NR3C1: variants seen among roughly 807,000 people sequenced by gnomAD.
NR3C1 encodes the protein glucocorticoid receptor.
A neutral mutation model predicts 74.0 loss-of-function variants in NR3C1; 14 were observed. That is an observed-to-expected ratio of 0.19 (90% confidence interval 0.12 to 0.30). NR3C1 has a LOEUF of 0.30. Ranked by LOEUF, NR3C1 falls within the 10% of genes least tolerant of loss-of-function variation. The pLI, the probability that NR3C1 is intolerant of heterozygous loss-of-function variation, is 1.00. For missense variants in NR3C1, 695 were observed against 909.8 expected (o/e 0.76, Z 3.04); for synonymous variants, 308 against 332.5 (o/e 0.93, Z 0.80).
At chr5:143,337,924 A>T (rs1827462311) in intron 2 of NR3C1, among the ~76,000 whole-genome samples, 1 of 152,224 alleles carries the variant, frequency 6.6e-6, no homozygotes, top group Admixed American at 6.5e-5. Context: ...TTGTAAACTT[A>T]TATGGTCATA....
chr5:143,344,921 GCC>G (rs1489924159), intron 2 of NR3C1, among the ~76,000 whole-genome samples: 1 of 152,040 alleles, frequency 6.6e-6, no homozygotes, highest in Non-Finnish European at 1.5e-5. Flanking sequence ...ACTGATGCCT[GCC>G]CAGCTCTGTC....
intron 2 of NR3C1, among the ~76,000 whole-genome samples, chr5:143,332,140 C>A (rs2151703736): frequency 6.6e-6 from 1 of 152,258 alleles, no homozygotes; most frequent in African/African-American, 2.4e-5. Flanking sequence ...CAACCTTAGA[C>A]TAAATGTGTC....
At chr5:143,291,473 C>T (rs1815932709) in intron 7 of NR3C1, among the ~76,000 whole-genome samples, 1 of 152,088 alleles carries the variant, frequency 6.6e-6, no homozygotes, top group Non-Finnish European at 1.5e-5. Context: ...ATCTGCCTGC[C>T]TCAGCCTCCC....
chr5:143,404,617 A>C, upstream of NR3C1: 1 of 612,348 alleles, frequency 1.6e-6, no homozygotes, highest in Non-Finnish European at 2.0e-6. Context: ...CAATGTGCTC[A>C]CACTCGAAGG....
chr5:143,311,994 A>G (rs1238548729), intron 3 of NR3C1, among the ~76,000 whole-genome samples: 1 of 151,904 alleles, frequency 6.6e-6, no homozygotes, highest in South Asian at 2.1e-4. Flanking sequence ...AGACAATGAG[A>G]TATCTTATTT....
intron 7 of NR3C1, chr5:143,293,742 A>G (rs1322513037): frequency 2.5e-6 from 1 of 397,844 alleles, no homozygotes; most frequent in Non-Finnish European, 3.4e-6. Flanking sequence ...TCTATATCTT[A>G]AGGTATATAT....
chr5:143,356,992 G>A (rs1355226864), intron 2 of NR3C1, among the ~76,000 whole-genome samples: 4 of 152,144 alleles, frequency 2.6e-5, no homozygotes, highest in African/African-American at 9.7e-5. Flanking sequence ...TTAGTACCTG[G>A]AAAGGTGCTG....
At chr5:143,295,390 A>T in intron 7 of NR3C1, 70 bp downstream of exon 7, 1 of 1,590,676 alleles carries the variant, frequency 6.3e-7, no homozygotes, top group South Asian at 1.1e-5. Context: ...CTATGTATAT[A>T]AATTAACCTT....
At chr5:143,282,438 T>G in intron 8 of NR3C1, 130 bp downstream of exon 8, 1 of 983,346 alleles carries the variant, frequency 1.0e-6, no homozygotes, top group Non-Finnish European at 1.5e-6. Context: ...TAAGTTGAAC[T>G]CAAGCTATCA....
intron 2 of NR3C1, among the ~76,000 whole-genome samples, chr5:143,370,886 C>G (rs1326516076): frequency 6.6e-6 from 1 of 152,182 alleles, no homozygotes; most frequent in East Asian, 1.9e-4. Flanking sequence ...AGCTTCGCAT[C>G]TGAGAGTGAT....
At chr5:143,347,872 T>C (rs1829578469) in intron 2 of NR3C1, among the ~76,000 whole-genome samples, 1 of 152,248 alleles carries the variant, frequency 6.6e-6, no homozygotes, top group African/African-American at 2.4e-5. Context: ...AATATAGCTC[T>C]CCACATTCTG....
chr5:143,282,775 T>C (rs1813407260), intron 7 of NR3C1, 50 bp from the exon 8 acceptor site: 2 of 1,562,256 alleles, frequency 1.3e-6, no homozygotes, highest in African/African-American at 2.8e-5. Flanking sequence ...TTCTTTTCTT[T>C]TCTTTTTTTT....
intron 2 of NR3C1, among the ~76,000 whole-genome samples, chr5:143,351,185 C>T (rs1303022857): frequency 6.6e-6 from 1 of 152,164 alleles, no homozygotes; most frequent in Non-Finnish European, 1.5e-5. Context: ...AACAAAGCAA[C>T]ATACAGCTCA....
chr5:143,429,409 T>C (rs6896209), intron 1 of NR3C1, among the ~76,000 whole-genome samples: 151,291 of 152,340 alleles, frequency 0.99, 75,133 homozygotes, highest in Middle Eastern at 1. Flanking sequence ...GGTGAGTATC[T>C]TCATTTTCCA....
At chr5:143,344,065 G>A (rs1828752159) in intron 2 of NR3C1, among the ~76,000 whole-genome samples, 2 of 151,960 alleles carry the variant, frequency 1.3e-5, no homozygotes, top group African/African-American at 2.4e-5. Context: ...CTTTTGGACT[G>A]TATAAGATGT....
intron 2 of NR3C1, among the ~76,000 whole-genome samples, chr5:143,373,300 G>C (rs540482137): frequency 6.6e-6 from 1 of 152,198 alleles, no homozygotes; most frequent in African/African-American, 2.4e-5. Context: ...CAAAACTCTG[G>C]AAACAATCCA....
At chr5:143,329,610 C>T (rs1825498743) in intron 2 of NR3C1, among the ~76,000 whole-genome samples, 1 of 151,980 alleles carries the variant, frequency 6.6e-6, no homozygotes, top group Non-Finnish European at 1.5e-5. Context: ...CAAACTGTAT[C>T]ACAGATTAAG....
rs1337401703 is a variant in NR3C1 at position 143,300,444 on chromosome 5, C to T, written c.1747+41G>A. ...CAAAGTGTTTTTGCTGAAGAAAACACAAAGGTTTATATAGTTGCTCTTTTA... is the reference window on the plus strand; with the variant it reads ...CAAAGTGTTTTTGCTGAAGAAAACATAAAGGTTTATATAGTTGCTCTTTTA... On this transcript the variant is annotated intron_variant, in intron 5 of 8. Coordinates refer to ENST00000394464, the MANE Select transcript of NR3C1 (RefSeq NM_000176.3). This position sits in a 1 kb window ranked among gnomAD's most constrained non-coding sequence, Gnocchi z 5.2. The T allele has an allele frequency of 1.2e-6, 2 of 1,613,426 alleles. No individual in the cohort carries two copies. The highest frequency in any genetic ancestry group is 1.3e-5 in the African/African-American group (1 of 74,928).
chr5:143,293,614 T>C (rs1042798573), intron 7 of NR3C1, among the ~76,000 whole-genome samples: 2 of 152,380 alleles, frequency 1.3e-5, no homozygotes, highest in East Asian at 3.9e-4. Flanking sequence ...AAGAGCAAGT[T>C]GGCTTGAGTT....
Sources: gnomAD v4.1 joint callset for allele counts (sites outside exome capture counted in the v4.1 genomes callset) on GRCh38, gnomAD v4.1.1 for gene constraint, Gnocchi (gnomAD v3.1) non-coding constraint, MANE v1.5 for transcripts, NCBI Gene and HGNC (gene_info 2026-07-23, HGNC 2026-07-21) for gene names.